NPTX2: variants seen among roughly 807,000 people sequenced by gnomAD.
NPTX2 encodes the protein neuronal pentraxin 2.
NPTX2 carries 23 observed loss-of-function variants against 38.1 expected under a neutral mutation model. That is an observed-to-expected ratio of 0.60 (90% CI 0.43 to 0.85). The LOEUF (loss-of-function observed/expected upper bound fraction) is 0.85. Among genes scored for constraint, NPTX2 ranks in the 40% least tolerant of loss-of-function variants. The probability of loss-of-function intolerance (pLI) is 0.00; values close to 1 mark genes in which losing one functional copy is unlikely to be tolerated. For missense variants in NPTX2, 553 were observed against 615.3 expected, an observed-to-expected ratio of 0.90 and a Z score of 1.07; for synonymous variants, 291 against 287.3, an observed-to-expected ratio of 1.01 and a Z score of -0.13.
rs145121618 is a variant in NPTX2 at position 98,627,321 on chromosome 7, G to A, written c.1045G>A (p.Val349Met). ...CTGGCACCCCATCAAGCCCGGGGGC[G>A]TGCTGATCCTTGGACAAGAGCAGGT... The part of the protein sequence containing the change: ...APWHPIKPGG[V>M]LILGQEQDTV... The change falls in exon 4 of 5, where the codon GTG (valine) becomes ATG (methionine). Residue 349 changes from valine to methionine, a missense_variant. Coordinates refer to ENST00000265634, the MANE Select transcript of NPTX2 (RefSeq NM_002523.3). 294 of 1,613,682 alleles carry A rather than the reference G, an allele frequency of 1.8e-4. No homozygotes were observed. The highest frequency in any genetic ancestry group is 2.2e-4 in the Non-Finnish European group (263 of 1,179,896).
In NPTX2 at chr7:98,619,811, G is replaced by A. The variant is rs748483028; in HGVS notation, c.595G>A (p.Glu199Lys). Residue 199 changes from glutamate to lysine, a missense_variant, in exon 2 of 5, where the codon GAG becomes AAG. By Grantham distance (56) the Glu-to-Lys change is moderately conservative (BLOSUM62 1). Coordinates refer to ENST00000265634, the MANE Select transcript of NPTX2 (RefSeq NM_002523.3). ...GACCTCGGCTCACCGGCAGAAGACCGAGAGCACCCTGAACGCGCTGCTGCA... is the reference window on the plus strand; with the variant it reads ...GACCTCGGCTCACCGGCAGAAGACCAAGAGCACCCTGAACGCGCTGCTGCA... ...NETSAHRQKTESTLNALLQRV... is the reference protein window; with the variant it reads ...NETSAHRQKTKSTLNALLQRV... 3.7e-6 allele frequency: 6 copies of A among 1,613,906 alleles called. No individual in the cohort carries two copies. The highest frequency in any genetic ancestry group is 2.2e-5 in the East Asian group (1 of 44,876).
At chr7:98,619,978 G>C in intron 2 of NPTX2, 119 bp downstream of exon 2, 1 of 847,620 alleles carries the variant, frequency 1.2e-6, no homozygotes, top group East Asian at 2.7e-5. Flanking sequence ...CCTGGTTCCC[G>C]AGTGTGTGAG....
chr7:98,621,341 G>A (rs1381115385), intron 2 of NPTX2, among the ~76,000 whole-genome samples: 1 of 152,126 alleles, frequency 6.6e-6, no homozygotes, highest in African/African-American at 2.4e-5. Flanking sequence ...CAGAGGGGAA[G>A]CTCACCTCTA....
Position 98,617,871 on chromosome 7 carries a change from G to A in NPTX2, c.410G>A (p.Arg137His), listed in dbSNP as rs768465529. The part of the protein sequence containing the change: ...LSRSLQTLKD[R>H]LESLEHQLRA... ...CGCTCGCTGCAGACCCTCAAGGACC[G>A]CCTGGAGAGCCTCGAGGTAGCGGCC... Residue 137 changes from arginine (R) to histidine (H), a missense_variant, in exon 1 of 5, where the codon CGC (arginine) becomes CAC (histidine). Physicochemically the swap from Arg to His is conservative, Grantham distance 29. Transcript: ENST00000265634. 9.1e-5 allele frequency: 141 copies of A among 1,555,424 alleles called. No individual in the cohort carries two copies. Among genetic ancestry groups the A allele is most frequent in the Non-Finnish European group, 1.2e-4 (138 of 1,158,874 alleles).
intron 3 of NPTX2, among the ~76,000 whole-genome samples, chr7:98,625,620 T>C (rs1791335810): frequency 6.6e-6 from 1 of 152,058 alleles, no homozygotes; most frequent in South Asian, 2.1e-4. Context: ...CATTTTAATG[T>C]ACAATTCAGG....
intron 2 of NPTX2, among the ~76,000 whole-genome samples, chr7:98,623,800 A>G (rs1233826943): frequency 6.6e-6 from 1 of 152,202 alleles, no homozygotes; most frequent in African/African-American, 2.4e-5. Context: ...TCTAAGCCCA[A>G]GTCTCCAGGG....
At chr7:98,620,574 C>T (rs1791255543) in intron 2 of NPTX2, among the ~76,000 whole-genome samples, 1 of 152,122 alleles carries the variant, frequency 6.6e-6, no homozygotes, top group Non-Finnish European at 1.5e-5. Flanking sequence ...TATGGCTTAC[C>T]TGTTAGATCT....
chr7:98,628,502 A>G lies in NPTX2; in HGVS notation c.1169A>G (p.Asn390Ser), dbSNP rs202111578. 166 of 1,611,116 alleles carry G rather than the reference A, an allele frequency of 1.0e-4. 1 individual carries two copies. The East Asian group carries it at 2.3e-3, about 23-fold the overall frequency. ...GTCCTTCGCGCACAAGAAATTGTCA[A>G]CATCGCCAACTGCTCCACAAACATG... Reference protein sequence around the residue: ...DRVLRAQEIVNIANCSTNMPG... With the variant: ...DRVLRAQEIVSIANCSTNMPG... Residue 390 changes from asparagine to serine, a missense_variant, in exon 5 of 5, where the codon AAC becomes AGC. Transcript: ENST00000265634.
chr7:98,619,547 G>C (rs1791237517), intron 1 of NPTX2, 96 bp from the exon 2 acceptor site: 2 of 1,038,924 alleles, frequency 1.9e-6, no homozygotes, highest in Non-Finnish European at 3.0e-6. Flanking sequence ...TTGCGTTTTG[G>C]AAGCTTCTCC....
intron 2 of NPTX2, among the ~76,000 whole-genome samples, chr7:98,621,986 A>G (rs987261915): frequency 6.6e-6 from 1 of 152,218 alleles, no homozygotes; most frequent in African/African-American, 2.4e-5. Context: ...GACCCCTGGC[A>G]TATGGATGCC....
intron 3 of NPTX2, 120 bp from the exon 4 acceptor site, chr7:98,627,045 C>CG: frequency 1.5e-6 from 1 of 652,150 alleles, no homozygotes; most frequent in Non-Finnish European, 2.7e-6. Context: ...CGCATGACCC[C>CG]GGTGACAGGA....
Position 98,628,895 on chromosome 7 carries a change from T to G in NPTX2, c.*266T>G. 2.8e-6 allele frequency: 1 copy of G among 356,996 alleles called. No homozygotes were observed. 22.1% of individuals were successfully genotyped at this position (356,996 alleles called of 1,614,324 possible). On this transcript the variant is annotated 3_prime_UTR_variant, in exon 5 of 5. Transcript: ENST00000265634. The stretch of plus-strand genomic sequence containing the variant: ...TGCCCCAAGTGGGTGGATATCTGCC[T>G]TCCTGCTGCAAGTGGAGGCAGGTCC...
Position 98,617,659 on chromosome 7 carries a change from G to T in NPTX2, c.198G>T (p.Leu66=). 1 of 1,481,942 alleles carries T rather than the reference G, an allele frequency of 6.7e-7. No homozygotes were observed. The highest frequency in any genetic ancestry group is 2.9e-5 in the East Asian group (1 of 34,878). The allele number at this position is 1,481,942 out of a possible 1,614,324, so 91.8% of individuals were successfully genotyped here. The change falls in exon 1 of 5, where the codon CTG becomes CTT. Residue 66 remains leucine, a synonymous_variant. Transcript: ENST00000265634. The part of the protein sequence containing the change: ...EEELRAAVLQ[L]RETVVQQKET... The stretch of plus-strand genomic sequence containing the variant: ...AGCTGAGGGCCGCGGTGCTGCAGCT[G>T]CGCGAGACCGTCGTGCAGCAGAAGG...
At chr7:98,619,025 T>C (rs1387288108) in intron 1 of NPTX2, among the ~76,000 whole-genome samples, 1 of 152,114 alleles carries the variant, frequency 6.6e-6, no homozygotes, top group African/African-American at 2.4e-5. Context: ...GAAAGGTAAA[T>C]AGCTTGCCAT....
chr7:98,617,914 A>G (rs772571407), intron 1 of NPTX2, 27 bp downstream of exon 1: 2 of 1,537,088 alleles, frequency 1.3e-6, no homozygotes, highest in South Asian at 2.4e-5. Context: ...AGCGCGGGGG[A>G]CCTGGAATGG....
intron 1 of NPTX2, among the ~76,000 whole-genome samples, 155 bp downstream of exon 1, chr7:98,618,042 T>A (rs1356028806): frequency 1.3e-5 from 2 of 152,132 alleles, no homozygotes; most frequent in African/African-American, 2.4e-5. Flanking sequence ...GGCGGGGATC[T>A]AGATCCTGCT....
At chr7:98,618,595 T>TCCCCCCCCCCCCCC (rs1221869556) in intron 1 of NPTX2, among the ~76,000 whole-genome samples, 40 of 29,124 alleles carry the variant, frequency 1.4e-3, no homozygotes, top group Admixed American at 2.0e-3. Context: ...TCCCCCTCCG[T>TCCCCCCCCCCCCCC]CCCCCCCCCC....
In NPTX2 at chr7:98,628,690, T is replaced by C; in HGVS notation, c.*61T>C. On this transcript the variant is annotated 3_prime_UTR_variant, in exon 5 of 5. Coordinates refer to ENST00000265634, the MANE Select transcript of NPTX2 (RefSeq NM_002523.3). ...CTGTTGCCATGGAAGTTCAGGGCCA[T>C]AGACTGCCCCACTTAAACTCTTGTC... 1 of 743,848 alleles carries C rather than the reference T, an allele frequency of 1.3e-6. No individual in the cohort carries two copies. Among genetic ancestry groups the C allele is most frequent in the Non-Finnish European group, 2.2e-6 (1 of 452,908 alleles). 46.1% of individuals were successfully genotyped at this position (743,848 alleles called of 1,614,324 possible).
Position 98,624,953 on chromosome 7 carries a change from C to T in NPTX2, c.675C>T (p.Phe225=), listed in dbSNP as rs761713407. The T allele has an allele frequency of 3.1e-6, 5 of 1,613,500 alleles. 1 individual carries two copies. The highest frequency in any genetic ancestry group is 1.3e-5 in the African/African-American group (1 of 74,932). ...GNSAFKSPDA[F]KVSLPLRTNY... Reference sequence around the variant, plus strand: ...GCGCCTTTAAGTCACCAGATGCGTTCAAGGTGTCCCTCCCACTCCGCACAA... The same window carrying T: ...GCGCCTTTAAGTCACCAGATGCGTTTAAGGTGTCCCTCCCACTCCGCACAA... The change falls in exon 3 of 5, where the codon TTC becomes TTT. Residue 225 remains phenylalanine, a synonymous_variant. Coordinates refer to ENST00000265634, the MANE Select transcript of NPTX2 (RefSeq NM_002523.3).
Sources: gnomAD v4.1 joint callset for allele counts (sites outside exome capture counted in the v4.1 genomes callset) on GRCh38, gnomAD v4.1.1 for gene constraint, MANE v1.5 for transcripts, NCBI Gene and HGNC (gene_info 2026-07-23, HGNC 2026-07-21) for gene names.